The following DSCAM variants were observed in gnomAD, a reference collection of about 807,000 sequenced individuals.
DSCAM encodes the protein cell adhesion molecule DSCAM.
DSCAM carries 47 observed loss-of-function variants against 217.7 expected under a neutral mutation model. The observed-to-expected ratio is 0.22, with a 90% CI of 0.17 to 0.28. The LOEUF is 0.28. DSCAM is among the 10% of genes least tolerant of loss of function. The pLI is 1.00. For synonymous variants in DSCAM, 1,056 were observed against 1,015.3 expected, an observed-to-expected ratio of 1.04 and a Z score of -0.76; for missense variants, 2,080 against 2,618.3, an observed-to-expected ratio of 0.79 and a Z score of 4.49.
chr21:40,636,266 G>A (rs1207828776), intron 3 of DSCAM, among the ~76,000 whole-genome samples: 1 of 151,846 alleles, frequency 6.6e-6, no homozygotes, highest in Admixed American at 6.6e-5. Flanking sequence ...GGAGCTCAAA[G>A]GAATCTGGCA....
intron 3 of DSCAM, among the ~76,000 whole-genome samples, chr21:40,665,171 C>A (rs375262541): frequency 1.3e-5 from 2 of 152,254 alleles, no homozygotes; most frequent in East Asian, 3.9e-4. Flanking sequence ...AAAGGAACGG[C>A]AGAATTTCAA....
intron 3 of DSCAM, among the ~76,000 whole-genome samples, chr21:40,415,535 G>A (rs2075362819): frequency 1.3e-5 from 2 of 152,260 alleles, no homozygotes; most frequent in African/African-American, 4.8e-5. Context: ...GAGCACAGTT[G>A]CTTAGGAGAC....
At chr21:40,113,657 A>G (rs1254288032) in intron 20 of DSCAM, among the ~76,000 whole-genome samples, 1 of 152,194 alleles carries the variant, frequency 6.6e-6, no homozygotes, top group Non-Finnish European at 1.5e-5. Flanking sequence ...GTATATCTAG[A>G]AAACCCCATC....
rs531251327 is a variant in DSCAM, at chr21:40,621,854, G to A, written c.508+70956C>T. On this transcript the variant is annotated intron_variant, in intron 3 of 32. Transcript: ENST00000400454. ...TGGATCAAGATGAAAATGTGAACTG[G>A]CACTGAATGAGGTCATGGAAAAGAA... Among the ~76,000 whole-genome samples, 28 of 136,438 alleles carry A rather than the reference G, an allele frequency of 2.1e-4. No homozygotes were observed. In the South Asian group the frequency reaches 7.0e-3, roughly 34 times the overall value. The allele number at this position is 136,438 out of a possible 152,430, so 89.5% of individuals were successfully genotyped here. A position where few individuals can be genotyped will look rare whatever the true frequency, so the allele number is the denominator to read the frequency against.
intron 3 of DSCAM, among the ~76,000 whole-genome samples, chr21:40,423,771 C>A (rs2075447079): frequency 6.6e-6 from 1 of 152,132 alleles, no homozygotes; most frequent in African/African-American, 2.4e-5. Context: ...TACCATCCAC[C>A]AGTAACACAT....
chr21:40,438,187 T>G (rs187618559), intron 3 of DSCAM, among the ~76,000 whole-genome samples: 1 of 152,102 alleles, frequency 6.6e-6, no homozygotes, highest in African/African-American at 2.4e-5. Flanking sequence ...ATGAAGGAGA[T>G]GAGATAATTT....
chr21:40,564,550 C>G (rs2076750631), intron 3 of DSCAM, among the ~76,000 whole-genome samples: 1 of 152,152 alleles, frequency 6.6e-6, no homozygotes, highest in Non-Finnish European at 1.5e-5. Flanking sequence ...GGACTTAGGG[C>G]TGAGGACAGC....
intron 1 of DSCAM, among the ~76,000 whole-genome samples, chr21:40,816,786 G>C (rs946228363): frequency 2.0e-5 from 3 of 152,038 alleles, no homozygotes; most frequent in Admixed American, 2.0e-4. Context: ...GTTGAGTCTT[G>C]AGACTATATG....
chr21:40,845,638 A>C (rs766669250), intron 1 of DSCAM, among the ~76,000 whole-genome samples: 5 of 146,618 alleles, frequency 3.4e-5, no homozygotes, highest in African/African-American at 7.6e-5. Context: ...TCTTCTGGCT[A>C]GGGGATTCTG....
chr21:40,212,733 G>A (rs1164710852), intron 11 of DSCAM, among the ~76,000 whole-genome samples: 1 of 152,158 alleles, frequency 6.6e-6, no homozygotes, highest in Non-Finnish European at 1.5e-5. Context: ...CCAACCCCTG[G>A]AATCTCAGAA....
intron 1 of DSCAM, among the ~76,000 whole-genome samples, chr21:40,753,916 C>T (rs2091251613): frequency 1.3e-5 from 2 of 152,222 alleles, no homozygotes; most frequent in Non-Finnish European, 2.9e-5. Flanking sequence ...AGCTGGCTGG[C>T]TTTATGACCT....
intron 3 of DSCAM, among the ~76,000 whole-genome samples, chr21:40,591,722 C>G (rs1601771588): frequency 6.6e-6 from 1 of 152,178 alleles, no homozygotes; most frequent in African/African-American, 2.4e-5. Context: ...TAGGGACAAA[C>G]TGAATTCTAA....
At chr21:40,625,544 A>G (rs2089588743) in intron 3 of DSCAM, among the ~76,000 whole-genome samples, 1 of 152,004 alleles carries the variant, frequency 6.6e-6, no homozygotes, top group African/African-American at 2.4e-5. Flanking sequence ...CCCTCATCCT[A>G]AACTTGCTCA....
intron 9 of DSCAM, among the ~76,000 whole-genome samples, chr21:40,298,608 T>C (rs2837558): frequency 0.17 from 26,129 of 152,100 alleles, 4,052 homozygotes; most frequent in African/African-American, 0.4. Flanking sequence ...GTAGAGATTA[T>C]TTAGAGCTAA....
chr21:40,655,048 G>C (rs547519681), intron 3 of DSCAM, among the ~76,000 whole-genome samples: 2 of 152,210 alleles, frequency 1.3e-5, no homozygotes, highest in East Asian at 3.9e-4. Flanking sequence ...AGCTAGCTTA[G>C]GGAGATTCCG....
At chr21:40,781,675 C>T (rs1214597504) in intron 1 of DSCAM, among the ~76,000 whole-genome samples, 3 of 152,114 alleles carry the variant, frequency 2.0e-5, no homozygotes, top group Non-Finnish European at 2.9e-5. Flanking sequence ...GTACTAAGCT[C>T]ACGCTGTGAG....
chr21:40,262,397 G>A (rs1362700282), intron 11 of DSCAM, among the ~76,000 whole-genome samples: 1 of 152,052 alleles, frequency 6.6e-6, no homozygotes, highest in Non-Finnish European at 1.5e-5. Context: ...TACAGGTGCA[G>A]CCTCTTCACC....
chr21:40,675,090 T>C (rs2090324068), intron 3 of DSCAM, among the ~76,000 whole-genome samples: 2 of 152,274 alleles, frequency 1.3e-5, no homozygotes, highest in South Asian at 4.1e-4. Context: ...TCCCAGCTGC[T>C]TCTGCTGTGG....
intron 1 of DSCAM, among the ~76,000 whole-genome samples, chr21:40,806,066 G>A (rs966972451): frequency 3.3e-5 from 5 of 152,052 alleles, no homozygotes; most frequent in South Asian, 2.1e-4. Context: ...GATTTACTGC[G>A]ATACCCCTGC....
Sources: allele counts gnomAD v4.1 joint callset (sites outside exome capture counted in the v4.1 genomes callset), GRCh38; gene constraint gnomAD v4.1.1; transcripts MANE v1.5; gene names NCBI Gene and HGNC (gene_info 2026-07-23, HGNC 2026-07-21).